MIGA1: variants seen among roughly 807,000 people sequenced by gnomAD.
MIGA1 encodes mitoguardin 1.
In MIGA1, 58 loss-of-function variants were observed where a neutral mutation model predicts 82.0. The ratio of observed to expected loss-of-function variants is 0.71; its 90% confidence interval spans 0.57 to 0.88. The LOEUF is 0.88. MIGA1 is among the 40% of genes least tolerant of loss of function. The pLI is 0.00. For synonymous variants in MIGA1, 249 were observed against 253.6 expected, an observed-to-expected ratio of 0.98 and a Z score of 0.17; for missense variants, 751 against 749.1, an observed-to-expected ratio of 1.00 and a Z score of -0.03.
At chr1:77,844,121 TATATATATATATATATAG>T (rs1557924277) in intron 8 of MIGA1, among the ~76,000 whole-genome samples, 28 of 98,788 alleles carry the variant, frequency 2.8e-4, no homozygotes, top group African/African-American at 1.1e-3. Flanking sequence ...AAAATATATA[TATATATATATATATATAG>T]ATAGATAGAT....
chr1:77,816,454 G>A (rs1683576724), intron 7 of MIGA1, among the ~76,000 whole-genome samples: 1 of 152,112 alleles, frequency 6.6e-6, no homozygotes, highest in African/African-American at 2.4e-5. Context: ...CATTAGTACT[G>A]AAAGCAGCTG....
At chr1:77,811,561 C>A in intron 5 of MIGA1, 1 of 1,610,908 alleles carries the variant, frequency 6.2e-7, no homozygotes, top group East Asian at 2.2e-5. Flanking sequence ...TAAAGCTGCA[C>A]TTCGCAATTC....
chr1:77,857,294 C>T (rs1048454993), intron 8 of MIGA1, among the ~76,000 whole-genome samples: 1 of 149,064 alleles, frequency 6.7e-6, no homozygotes, highest in African/African-American at 2.5e-5. Flanking sequence ...ATTACATTCA[C>T]TCTGCTCTTT....
At position 77,875,218 on chromosome 1, in the gene MIGA1, T is replaced by C. The variant is rs1646885346; in HGVS notation, c.*154T>C. 1 of 623,390 alleles carries C rather than the reference T, an allele frequency of 1.6e-6. No individual in the cohort carries two copies. The highest frequency in any genetic ancestry group is 2.8e-6 in the Non-Finnish European group (1 of 358,214). The allele number at this position is 623,390 out of a possible 1,614,324, so 38.6% of individuals were successfully genotyped here. On this transcript the variant is annotated 3_prime_UTR_variant, in exon 16 of 16. Transcript: ENST00000370791. The stretch of plus-strand genomic sequence containing the variant: ...AAAAAATGAGCAACTGTACTGTATT[T>C]ATACAGAAGTTCTGTCATTGAATTC...
At chr1:77,852,085 A>G (rs529517116) in intron 8 of MIGA1, among the ~76,000 whole-genome samples, 1 of 152,012 alleles carries the variant, frequency 6.6e-6, no homozygotes, top group Non-Finnish European at 1.5e-5. Flanking sequence ...GGGTTTCGCC[A>G]TCATGGCCAG....
intron 12 of MIGA1, chr1:77,862,034 G>A (rs1685473536): frequency 1.3e-5 from 2 of 150,822 alleles, no homozygotes; most frequent in South Asian, 2.1e-4. Context: ...CCAACTACTC[G>A]GGAGGCCAAG....
At chr1:77,801,650 T>A in intron 3 of MIGA1, 142 bp downstream of exon 3, 1 of 700,434 alleles carries the variant, frequency 1.4e-6, no homozygotes, top group Non-Finnish European at 2.1e-6. Flanking sequence ...TTTAGAAAGA[T>A]TAGAAAATGT....
At chr1:77,791,079 C>CAAAAAT (rs754388095) in intron 2 of MIGA1, among the ~76,000 whole-genome samples, 115 of 151,918 alleles carry the variant, frequency 7.6e-4, no homozygotes, top group African/African-American at 2.6e-3. Context: ...CTTGTCACTA[C>CAAAAAT]AAAAATAAAA....
Position 77,806,996 on chromosome 1 carries a change from C to A in MIGA1, c.532C>A (p.His178Asn). The A allele has an allele frequency of 6.2e-7, 1 of 1,611,814 alleles. No individual in the cohort carries two copies. The highest frequency in any genetic ancestry group is 2.2e-5 in the East Asian group (1 of 44,842). ...TTAGGTCCAGAGTGTCAATTCTTGT[C>A]ATAGCTGCGCTTGTGGCAATTCTAA... Residue 178 changes from histidine to asparagine, a missense_variant, in exon 5 of 16, where the codon CAT (histidine) becomes AAT (asparagine). Physicochemically the swap from His to Asn is moderately conservative, Grantham distance 68. This residue lies in a region of MIGA1 where 482 missense variants were observed against 439.4 expected (regional missense o/e 1.10). Transcript: ENST00000370791.
intron 8 of MIGA1, chr1:77,846,980 A>G (rs529926244): frequency 1.2e-5 from 7 of 561,476 alleles, no homozygotes; most frequent in African/African-American, 1.1e-4. Flanking sequence ...AGATACCTCT[A>G]CTTGTACTCT....
intron 7 of MIGA1, among the ~76,000 whole-genome samples, chr1:77,822,917 G>T (rs868050700): frequency 7.0e-6 from 1 of 143,194 alleles, no homozygotes; most frequent in African/African-American, 2.6e-5. Flanking sequence ...GTCTTGGCTC[G>T]CTGCCACCTC....
intron 7 of MIGA1, among the ~76,000 whole-genome samples, chr1:77,843,056 A>C (rs1684686086): frequency 6.6e-6 from 1 of 152,246 alleles, no homozygotes; most frequent in South Asian, 2.1e-4. Flanking sequence ...ATAATGTACT[A>C]AAAAGCCCTT....
At chr1:77,838,819 G>A (rs1684525410) in intron 7 of MIGA1, among the ~76,000 whole-genome samples, 1 of 152,172 alleles carries the variant, frequency 6.6e-6, no homozygotes, top group African/African-American at 2.4e-5. Flanking sequence ...TTTTGCATGA[G>A]TGAATTTAAT....
Position 77,783,226 on chromosome 1 carries a change from C to T in MIGA1, c.82-12C>T. Reference sequence around the variant, plus strand: ...TTTGTGGCTAATTTTTTTTATGTTTCATTTAATGAAGATTAGAAGAGGAGC... The same window carrying T: ...TTTGTGGCTAATTTTTTTTATGTTTTATTTAATGAAGATTAGAAGAGGAGC... On this transcript the variant is annotated splice_polypyrimidine_tract_variant and intron_variant, in intron 1 of 15. Transcript: ENST00000370791. The T allele has an allele frequency of 6.6e-7, 1 of 1,520,482 alleles. No individual in the cohort carries two copies. The highest frequency in any genetic ancestry group is 1.8e-5 in the Admixed American group (1 of 54,238). The allele number at this position is 1,520,482 out of a possible 1,614,324, so 94.2% of individuals were successfully genotyped here. A position where few individuals can be genotyped will look rare whatever the true frequency, so the allele number is the denominator to read the frequency against.
intron 6 of MIGA1, 103 bp downstream of exon 6, chr1:77,813,970 A>G: frequency 8.4e-7 from 1 of 1,195,842 alleles, no homozygotes; most frequent in Non-Finnish European, 1.2e-6. Flanking sequence ...ACCCAGGCTG[A>G]GTCTTGAACT....
chr1:77,848,233 G>A (rs1456030209), intron 8 of MIGA1: 12 of 1,420,144 alleles, frequency 8.4e-6, no homozygotes, highest in Middle Eastern at 3.5e-4. Context: ...AACTAAGGGC[G>A]AGGGACCAAA....
chr1:77,875,002 A>G lies in MIGA1; in HGVS notation c.1837A>G (p.Ser613Gly), dbSNP rs376954999. 1.2e-5 allele frequency: 20 copies of G among 1,614,068 alleles called. No individual in the cohort carries two copies. The African/African-American group carries it at 2.5e-4, about 20-fold the overall frequency. Reference sequence around the variant, plus strand: ...AGCAGATGCCCTGAGGCATACAAGTAGTTGTCTAAGCAGTCATGGTCATGT... The same window carrying G: ...AGCAGATGCCCTGAGGCATACAAGTGGTTGTCTAAGCAGTCATGGTCATGT... Residue 613 changes from serine (S) to glycine (G), a missense_variant, in exon 16 of 16, where the codon AGT becomes GGT. Transcript: ENST00000370791.
Position 77,878,764 on chromosome 1 carries a change from T to C in MIGA1, c.*3700T>C. ...CTTATTTCTTCTTGAAGGTTAACATTATGTTTATTAAGTATCAAAATGGAA... is the reference window on the plus strand; with the variant it reads ...CTTATTTCTTCTTGAAGGTTAACATCATGTTTATTAAGTATCAAAATGGAA... On this transcript the variant is annotated 3_prime_UTR_variant, in exon 16 of 16. Coordinates refer to ENST00000370791, the MANE Select transcript of MIGA1 (RefSeq NM_198549.4). The C allele has an allele frequency of 2.6e-6, 1 of 384,508 alleles. No homozygotes were observed. The highest frequency in any genetic ancestry group is 4.6e-6 in the Non-Finnish European group (1 of 216,344). 23.8% of individuals were successfully genotyped at this position (384,508 alleles called of 1,614,324 possible). A position where few individuals can be genotyped will look rare whatever the true frequency, so the allele number is the denominator to read the frequency against.
intron 14 of MIGA1, among the ~76,000 whole-genome samples, chr1:77,870,277 A>C: frequency 1.8e-5 from 2 of 112,946 alleles, no homozygotes; most frequent in African/African-American, 6.6e-5. Flanking sequence ...GACGCTCCTC[A>C]CTTCCCAGAC....
Sources: gnomAD v4.1 joint callset for allele counts (sites outside exome capture counted in the v4.1 genomes callset) on GRCh38, gnomAD v4.1.1 for gene constraint, gnomAD v4.1.1 regional missense constraint, MANE v1.5 for transcripts, NCBI Gene and HGNC (gene_info 2026-07-23, HGNC 2026-07-21) for gene names.